Variants in ROBO1 observed in about 807,000 individuals in gnomAD.
ROBO1 encodes roundabout guidance receptor 1.
In ROBO1, 149 loss-of-function variants were observed where a neutral mutation model predicts 195.9. That is an observed-to-expected ratio of 0.76 (90% CI 0.67 to 0.87). ROBO1 has a LOEUF of 0.87. Among genes scored for constraint, ROBO1 ranks in the 40% least tolerant of loss-of-function variants. The pLI, the probability that ROBO1 is intolerant of heterozygous loss-of-function variation, is 0.00. For missense variants in ROBO1, 1,933 were observed against 2,068.3 expected (o/e 0.93, Z 1.27); for synonymous variants, 816 against 733.2 (o/e 1.11, Z -1.82).
At chr3:79,071,915 T>G (rs1388576909) in intron 3 of ROBO1, among the ~76,000 whole-genome samples, 1 of 151,826 alleles carries the variant, frequency 6.6e-6, no homozygotes, top group African/African-American at 2.4e-5. Context: ...GAGAGCTACC[T>G]TCTAGTCTAA....
chr3:79,317,098 T>C (rs2033767979), intron 2 of ROBO1, among the ~76,000 whole-genome samples: 1 of 152,146 alleles, frequency 6.6e-6, no homozygotes, highest in South Asian at 2.1e-4. Flanking sequence ...ATGGATTAAC[T>C]CCTCTCTTTA....
intron 1 of ROBO1, among the ~76,000 whole-genome samples, chr3:79,671,408 A>C (rs1039401551): frequency 1.3e-5 from 2 of 151,888 alleles, no homozygotes; most frequent in African/African-American, 4.8e-5. Flanking sequence ...TTTACCAGGG[A>C]GTCTCTTTTT....
intron 2 of ROBO1, among the ~76,000 whole-genome samples, chr3:79,164,466 A>G (rs1490135254): frequency 6.6e-6 from 1 of 152,186 alleles, no homozygotes; most frequent in Non-Finnish European, 1.5e-5. Flanking sequence ...TTATAATGTA[A>G]CCAGAATATA....
chr3:79,094,188 G>A (rs1345676516), intron 3 of ROBO1, among the ~76,000 whole-genome samples: 1 of 152,050 alleles, frequency 6.6e-6, no homozygotes, highest in East Asian at 1.9e-4. Context: ...AGAGTTATGG[G>A]AGTTGCTTAT....
At chr3:79,409,945 C>T (rs1311689736) in intron 2 of ROBO1, among the ~76,000 whole-genome samples, 4 of 151,966 alleles carry the variant, frequency 2.6e-5, no homozygotes, top group Non-Finnish European at 5.9e-5. Flanking sequence ...TATATATATA[C>T]ACACATATAT....
chr3:79,053,112 T>A (rs2078734347), intron 3 of ROBO1, among the ~76,000 whole-genome samples: 1 of 151,972 alleles, frequency 6.6e-6, no homozygotes, highest in South Asian at 2.1e-4. Flanking sequence ...CAAAGGAAAT[T>A]ATGTTCCTGT....
At chr3:79,047,451 G>A (rs2078615562) in intron 3 of ROBO1, among the ~76,000 whole-genome samples, 1 of 152,066 alleles carries the variant, frequency 6.6e-6, no homozygotes, top group South Asian at 2.1e-4. Context: ...AAATGGCTTT[G>A]GAGTGCTGAT....
intron 1 of ROBO1, among the ~76,000 whole-genome samples, chr3:79,757,092 T>A (rs1704448122): frequency 6.6e-6 from 1 of 152,210 alleles, no homozygotes; most frequent in South Asian, 2.1e-4. Flanking sequence ...TTTCTACTTT[T>A]TGGCTATTGT....
chr3:79,158,699 AC>A (rs1353036839), intron 2 of ROBO1, among the ~76,000 whole-genome samples: 2 of 151,794 alleles, frequency 1.3e-5, no homozygotes, highest in Non-Finnish European at 2.9e-5. Context: ...ATATCTTTTC[AC>A]CATGTTTCAA....
At chr3:79,063,837 C>A (rs937705808) in intron 3 of ROBO1, among the ~76,000 whole-genome samples, 5 of 151,670 alleles carry the variant, frequency 3.3e-5, no homozygotes, top group African/African-American at 1.2e-4. Flanking sequence ...CTTTTTAAGG[C>A]ACAAAAAGAC....
intron 2 of ROBO1, among the ~76,000 whole-genome samples, chr3:79,574,879 A>G (rs1230313604): frequency 6.6e-6 from 1 of 151,562 alleles, no homozygotes; most frequent in Admixed American, 6.6e-5. Flanking sequence ...ACAATCAACT[A>G]AACACAAACA....
intron 2 of ROBO1, among the ~76,000 whole-genome samples, chr3:79,509,850 CTTA>C (rs755611747): frequency 3.9e-5 from 6 of 152,070 alleles, no homozygotes; most frequent in African/African-American, 1.4e-4. Context: ...ACTTCTGCTT[CTTA>C]TTAATAATAA....
chr3:79,109,634 G>A (rs2079848976), intron 3 of ROBO1, among the ~76,000 whole-genome samples: 1 of 151,874 alleles, frequency 6.6e-6, no homozygotes, highest in Non-Finnish European at 1.5e-5. Flanking sequence ...TAAATCTAAA[G>A]CGTTACACTT....
intron 2 of ROBO1, among the ~76,000 whole-genome samples, chr3:79,166,562 T>TTTTTTTTC (rs1553693440): frequency 1.4e-5 from 2 of 143,356 alleles, no homozygotes; most frequent in Non-Finnish European, 3.0e-5. Context: ...CTATTTTTCT[T>TTTTTTTTC]TTTTTTTTTT....
intron 3 of ROBO1, among the ~76,000 whole-genome samples, chr3:79,077,051 GGTATAT>G (rs1328465313): frequency 2.6e-5 from 4 of 151,740 alleles, no homozygotes; most frequent in South Asian, 2.1e-4. Flanking sequence ...GTGGTGACTT[GGTATAT>G]GTATTCATTG....
rs769399422 is a variant in ROBO1, at chr3:79,589,779, G to A, written c.88+45C>T. On this transcript the variant is annotated intron_variant, in intron 2 of 30. Transcript: ENST00000464233. ...ATAAAAAGTGAATTTAAAGCAAAGA[G>A]GGAATACTGGTTAAGTATTGATGAA... is the stretch of plus-strand genomic sequence containing the variant. 6 of 1,405,176 alleles carry A rather than the reference G, an allele frequency of 4.3e-6. No individual in the cohort carries two copies. The African/African-American group carries it at 4.3e-5, about 10-fold the overall frequency. 87.0% of individuals were successfully genotyped at this position (1,405,176 alleles called of 1,614,324 possible). A position where few individuals can be genotyped will look rare whatever the true frequency, so the allele number is the denominator to read the frequency against.
chr3:78,751,728 C>T (rs541593218), intron 4 of ROBO1, among the ~76,000 whole-genome samples: 24 of 152,192 alleles, frequency 1.6e-4, no homozygotes, highest in Admixed American at 1.3e-4. Flanking sequence ...GAGGACACTA[C>T]ATTTTCAGAA....
intron 2 of ROBO1, among the ~76,000 whole-genome samples, chr3:79,408,179 T>C (rs2037625185): frequency 6.6e-6 from 1 of 151,502 alleles, no homozygotes; most frequent in Non-Finnish European, 1.5e-5. Context: ...GATCATGCCA[T>C]TGCACTCCAG....
chr3:79,309,873 C>G (rs1381929482), intron 2 of ROBO1, among the ~76,000 whole-genome samples: 1 of 151,964 alleles, frequency 6.6e-6, no homozygotes, highest in Non-Finnish European at 1.5e-5. Flanking sequence ...TAATAATGAC[C>G]ACAACATAAT....
Sources: allele counts gnomAD v4.1 joint callset (sites outside exome capture counted in the v4.1 genomes callset), GRCh38; gene constraint gnomAD v4.1.1; transcripts MANE v1.5; gene names NCBI Gene and HGNC (gene_info 2026-07-23, HGNC 2026-07-21).